CDH9: variants seen among roughly 807,000 people sequenced by gnomAD.
CDH9 encodes the protein cadherin-9.
A neutral mutation model predicts 70.9 loss-of-function variants in CDH9; 28 were observed. The observed-to-expected ratio is 0.40, with a 90% CI of 0.29 to 0.54. The LOEUF (loss-of-function observed/expected upper bound fraction) is 0.54, where lower values mean the gene tolerates loss of function less well. Among genes scored for constraint, CDH9 ranks in the 20% least tolerant of loss-of-function variants. CDH9 has a pLI of 0.59. For synonymous variants in CDH9, 409 were observed against 343.1 expected, an observed-to-expected ratio of 1.19 and a Z score of -2.12; for missense variants, 874 against 984.4, an observed-to-expected ratio of 0.89 and a Z score of 1.50.
At position 26,906,050 on chromosome 5, in the gene CDH9, G is replaced by A; in HGVS notation, c.720C>T (p.Asp240=). The A allele has an allele frequency of 1.2e-6, 2 of 1,613,334 alleles. No individual in the cohort carries two copies. Among genetic ancestry groups the A allele is most frequent in the Non-Finnish European group, 8.5e-7 (1 of 1,179,280 alleles). Residue 240 remains aspartate (D), a synonymous_variant, in exon 5 of 12, where the codon GAC becomes GAT. Transcript: ENST00000231021. ...EQYQVVIQAK[D]MGGQMGGLSG... ...AAAGGCCTCCCATCTGGCCACCCAT[G>A]TCTTTGGCCTGTATAACAACCTGGT... is the stretch of plus-strand genomic sequence containing the variant.
At chr5:26,990,874 G>A (rs1742568529) in intron 1 of CDH9, among the ~76,000 whole-genome samples, 1 of 152,124 alleles carries the variant, frequency 6.6e-6, no homozygotes, top group Non-Finnish European at 1.5e-5. Flanking sequence ...ATTTCCTGGG[G>A]TCAGTTCTAA....
chr5:27,013,309 C>T (rs7708698), intron 1 of CDH9, among the ~76,000 whole-genome samples: 3,279 of 152,002 alleles, frequency 0.022, 105 homozygotes, highest in African/African-American at 0.074. Context: ...TCTCCTTGCA[C>T]CCAGTCAGTG....
chr5:27,017,442 G>A (rs547971897), intron 1 of CDH9, among the ~76,000 whole-genome samples: 1 of 151,538 alleles, frequency 6.6e-6, no homozygotes, highest in Non-Finnish European at 1.5e-5. Context: ...ATTTTTTTTG[G>A]GGGGGCAAGC....
intron 1 of CDH9, among the ~76,000 whole-genome samples, chr5:26,990,908 A>G (rs1179908401): frequency 4.6e-5 from 7 of 152,176 alleles, no homozygotes; most frequent in African/African-American, 1.4e-4. Context: ...TTTGTGTGGA[A>G]CATAGGCCTT....
chr5:26,894,233 T>C (rs1351755980), intron 7 of CDH9, among the ~76,000 whole-genome samples: 7 of 152,166 alleles, frequency 4.6e-5, no homozygotes, highest in Non-Finnish European at 8.8e-5. Context: ...GCTGTTTGCA[T>C]TGAAGGTCAA....
At chr5:26,928,673 C>G (rs1374611604) in intron 2 of CDH9, among the ~76,000 whole-genome samples, 1 of 151,808 alleles carries the variant, frequency 6.6e-6, no homozygotes, top group Non-Finnish European at 1.5e-5. Flanking sequence ...AATAGAGAAC[C>G]CAGAAATAAA....
At chr5:26,934,810 C>T (rs1253783611) in intron 2 of CDH9, among the ~76,000 whole-genome samples, 1 of 151,640 alleles carries the variant, frequency 6.6e-6, no homozygotes, top group Admixed American at 6.6e-5. Context: ...ATGGTGAATT[C>T]TATCCAACAT....
chr5:26,883,616 G>A (rs1740511463), intron 11 of CDH9, among the ~76,000 whole-genome samples: 1 of 152,062 alleles, frequency 6.6e-6, no homozygotes, highest in African/African-American at 2.4e-5. Flanking sequence ...TCAAACCATA[G>A]TTAGACTTGC....
intron 1 of CDH9, among the ~76,000 whole-genome samples, chr5:27,008,292 C>A (rs1043783101): frequency 1.3e-5 from 2 of 151,960 alleles, no homozygotes; most frequent in African/African-American, 4.8e-5. Flanking sequence ...AAGTTTGAGA[C>A]CAGCCTGGCC....
intron 1 of CDH9, among the ~76,000 whole-genome samples, chr5:27,008,440 A>C (rs1742903900): frequency 6.6e-6 from 1 of 152,054 alleles, no homozygotes; most frequent in African/African-American, 2.4e-5. Flanking sequence ...CAGTGAGCTG[A>C]CATTGCACCA....
intron 2 of CDH9, among the ~76,000 whole-genome samples, chr5:26,934,218 C>A (rs1454037169): frequency 6.6e-6 from 1 of 152,134 alleles, no homozygotes; most frequent in African/African-American, 2.4e-5. Context: ...GTAATCCCAA[C>A]ATTTTAGGAG....
chr5:26,918,573 T>C (rs10942216), intron 2 of CDH9, among the ~76,000 whole-genome samples: 32,047 of 152,226 alleles, frequency 0.21, 3,604 homozygotes, highest in South Asian at 0.36. Flanking sequence ...ATAAGTTGAA[T>C]GGATAGACTT....
At position 26,897,380 on chromosome 5, in the gene CDH9, A is replaced by C. The variant is rs186724241; in HGVS notation, c.1253+5096T>G. On this transcript the variant is annotated intron_variant, in intron 7 of 11. Transcript: ENST00000231021. ...AGACACAACAAAAAAAGAAAATTTC[A>C]GGCCAATAACCCTGATAAACATTGA... is the stretch of plus-strand genomic sequence containing the variant. 3.4e-3 allele frequency among the ~76,000 whole-genome samples: 519 copies of C among 152,324 alleles called. 2 individuals are homozygous for C. Among genetic ancestry groups the C allele is most frequent in the Admixed American group, 5.8e-3 (89 of 15,294 alleles).
At chr5:27,000,797 C>A (rs1417250743) in intron 1 of CDH9, among the ~76,000 whole-genome samples, 1 of 152,044 alleles carries the variant, frequency 6.6e-6, no homozygotes, top group African/African-American at 2.4e-5. Flanking sequence ...AAATTAGCTA[C>A]CAAGTCACCC....
intron 1 of CDH9, among the ~76,000 whole-genome samples, chr5:27,013,722 G>T (rs1743000719): frequency 1.3e-5 from 2 of 151,816 alleles, no homozygotes; most frequent in Non-Finnish European, 2.9e-5. Context: ...GTTTACATTT[G>T]TTTTAAGCTC....
chr5:26,932,925 T>G (rs1741488481), intron 2 of CDH9, among the ~76,000 whole-genome samples: 1 of 150,372 alleles, frequency 6.7e-6, no homozygotes, highest in East Asian at 1.9e-4. Context: ...AAATTAATTA[T>G]AATTTAAAAT....
chr5:26,883,068 TA>T (rs1740496673), intron 11 of CDH9, among the ~76,000 whole-genome samples: 1 of 126,042 alleles, frequency 7.9e-6, no homozygotes, highest in Non-Finnish European at 1.7e-5. Flanking sequence ...TATATATATA[TA>T]TATATATATA....
intron 7 of CDH9, among the ~76,000 whole-genome samples, chr5:26,896,014 G>C (rs1205701849): frequency 6.6e-6 from 1 of 151,922 alleles, no homozygotes; most frequent in Non-Finnish European, 1.5e-5. Flanking sequence ...TTCCGGTATG[G>C]CCTTGCAAAT....
chr5:26,967,320 A>G (rs1417724857), intron 2 of CDH9, among the ~76,000 whole-genome samples: 1 of 152,078 alleles, frequency 6.6e-6, no homozygotes, highest in Non-Finnish European at 1.5e-5. Flanking sequence ...AATTCTCACC[A>G]GTGTCATCAA....
Sources: gnomAD v4.1 joint callset for allele counts (sites outside exome capture counted in the v4.1 genomes callset) on GRCh38, gnomAD v4.1.1 for gene constraint, MANE v1.5 for transcripts, NCBI Gene and HGNC (gene_info 2026-07-23, HGNC 2026-07-21) for gene names.